Variants in TK2 observed in about 807,000 individuals in gnomAD.
TK2 encodes the protein thymidine kinase 2, mitochondrial.
A neutral mutation model predicts 41.9 loss-of-function variants in TK2; 35 were observed. The observed-to-expected ratio is 0.84, with a 90% CI of 0.64 to 1.11. The LOEUF (loss-of-function observed/expected upper bound fraction) is 1.11. TK2 is among the 50% of genes least tolerant of loss of function. The pLI is 0.00. For synonymous variants in TK2, 128 were observed against 129.1 expected (o/e 0.99, Z 0.06); for missense variants, 320 against 351.1 (o/e 0.91, Z 0.71).
intron 1 of TK2, 129 bp downstream of exon 1, chr16:66,549,809 C>A (rs909896192): frequency 7.8e-7 from 1 of 1,287,118 alleles, no homozygotes; most frequent in South Asian, 2.7e-5. Context: ...CCGTCCCAGC[C>A]GCAGCCGGGG....
intron 9 of TK2, among the ~76,000 whole-genome samples, chr16:66,512,619 G>A (rs1373062183): frequency 6.6e-6 from 1 of 152,000 alleles, no homozygotes; most frequent in Non-Finnish European, 1.5e-5. Context: ...CCATCTCTAC[G>A]AAAAATATAA....
chr16:66,511,904 C>T lies in TK2; in HGVS notation c.*64G>A. On this transcript the variant is annotated 3_prime_UTR_variant, in exon 10 of 10. Transcript: ENST00000544898. The stretch of plus-strand genomic sequence containing the variant: ...CCTGGGAGCAAGTTTTTCCAGATTG[C>T]TCCCAATAGCTAACTTGGCAGCAGC... 1.3e-6 allele frequency: 2 copies of T among 1,489,078 alleles called. No individual in the cohort carries two copies. Among genetic ancestry groups the T allele is most frequent in the Non-Finnish European group, 1.9e-6 (2 of 1,067,270 alleles). 92.2% of individuals were successfully genotyped at this position (1,489,078 alleles called of 1,614,324 possible). A position where few individuals can be genotyped will look rare whatever the true frequency, so the allele number is the denominator to read the frequency against.
intron 4 of TK2, among the ~76,000 whole-genome samples, chr16:66,536,380 G>A (rs1965281368): frequency 6.6e-6 from 1 of 152,102 alleles, no homozygotes; most frequent in Non-Finnish European, 1.5e-5. Context: ...CTCTCTTGCA[G>A]GACCCAGATT....
chr16:66,545,042 C>T (rs897510378), intron 2 of TK2, among the ~76,000 whole-genome samples: 4 of 144,598 alleles, frequency 2.8e-5, no homozygotes, highest in African/African-American at 7.8e-5. Context: ...TGTGGTGAGC[C>T]GAGATCACAC....
chr16:66,518,105 G>A lies in TK2; in HGVS notation c.450-228C>T, dbSNP rs960730071. The stretch of plus-strand genomic sequence containing the variant: ...CACAATGCTGCAAGGGCCATGGCAC[G>A]GAGTGATGGGAGAATTCACTTGGGA... On this transcript the variant is annotated intron_variant, in intron 6 of 9. Transcript: ENST00000544898. The A allele has an allele frequency of 3.5e-5, 20 of 565,268 alleles. 1 individual carries two copies. Among genetic ancestry groups the A allele is most frequent in the South Asian group, 2.3e-4 (12 of 52,860 alleles). The allele number at this position is 565,268 out of a possible 1,614,324, so 35.0% of individuals were successfully genotyped here. A position where few individuals can be genotyped will look rare whatever the true frequency, so the allele number is the denominator to read the frequency against.
intron 6 of TK2, among the ~76,000 whole-genome samples, chr16:66,520,719 G>A (rs1964756376): frequency 1.3e-5 from 2 of 152,238 alleles, no homozygotes; most frequent in South Asian, 4.1e-4. Context: ...CAGGCCAGAG[G>A]CACCAAATAA....
At chr16:66,513,550 C>T (rs1235308038) in intron 9 of TK2, among the ~76,000 whole-genome samples, 181 bp downstream of exon 9, 1 of 152,192 alleles carries the variant, frequency 6.6e-6, no homozygotes, top group African/African-American at 2.4e-5. Context: ...GGCCAACTCA[C>T]TCTGAGACTC....
chr16:66,527,307 T>A (rs964543341), intron 6 of TK2, among the ~76,000 whole-genome samples: 9 of 152,278 alleles, frequency 5.9e-5, no homozygotes, highest in Middle Eastern at 6.8e-3. Context: ...CTGGGTGGAT[T>A]TGGGGCAGAG....
chr16:66,515,824 C>G (rs1964594929), intron 8 of TK2, among the ~76,000 whole-genome samples: 1 of 152,178 alleles, frequency 6.6e-6, no homozygotes. Flanking sequence ...CGCCTGGGCC[C>G]TCGTGGCAGG....
intron 3 of TK2, 103 bp from the exon 4 acceptor site, chr16:66,537,120 A>G (rs989149604): frequency 6.6e-7 from 1 of 1,526,468 alleles, no homozygotes; most frequent in Non-Finnish European, 9.0e-7. Context: ...AAAAAGAGAG[A>G]AAAAGACTAT....
In TK2 at chr16:66,509,629, G is replaced by A; in HGVS notation, c.*2339C>T. 6.6e-6 allele frequency: 1 copy of A among 152,374 alleles called. No homozygotes were observed. The allele number at this position is 152,374 out of a possible 1,614,324, so 9.4% of individuals were successfully genotyped here. On this transcript the variant is annotated 3_prime_UTR_variant, in exon 10 of 10. Transcript: ENST00000544898. ...CATGGAACTCCAGTCTCACAGCAAG[G>A]ATGAGGTGAGCCCAACATATCTGGA...
chr16:66,549,514 T>G, intron 1 of TK2: 1 of 1,037,494 alleles, frequency 9.6e-7, no homozygotes, highest in Non-Finnish European at 1.2e-6. Context: ...TCTGTGTGGG[T>G]CCCCACTCCC....
intron 6 of TK2, among the ~76,000 whole-genome samples, chr16:66,521,121 T>C (rs1964767390): frequency 6.6e-6 from 1 of 152,232 alleles, no homozygotes; most frequent in South Asian, 2.1e-4. Context: ...ATCCCAGAGC[T>C]GGGAGGGTGC....
At chr16:66,537,173 C>T (rs1965311033) in intron 3 of TK2, among the ~76,000 whole-genome samples, 156 bp from the exon 4 acceptor site, 1 of 152,154 alleles carries the variant, frequency 6.6e-6, no homozygotes, top group Non-Finnish European at 1.5e-5. Flanking sequence ...GCTGACAACC[C>T]CCGTGAGGTC....
chr16:66,512,448 C>G (rs1964479964), intron 9 of TK2, among the ~76,000 whole-genome samples: 1 of 151,772 alleles, frequency 6.6e-6, no homozygotes. Flanking sequence ...TCCTTTTTTT[C>G]CATAATGAGG....
At chr16:66,526,372 C>T (rs1964930325) in intron 6 of TK2, among the ~76,000 whole-genome samples, 1 of 152,172 alleles carries the variant, frequency 6.6e-6, no homozygotes, top group East Asian at 1.9e-4. Flanking sequence ...CAGGATAGAA[C>T]CCAGGCCCAC....
chr16:66,518,154 G>C, intron 6 of TK2: 1 of 467,372 alleles, frequency 2.1e-6, no homozygotes, highest in Non-Finnish European at 4.0e-6. Flanking sequence ...CAGAGAAAGG[G>C]ACTTTAAAGC....
intron 6 of TK2, among the ~76,000 whole-genome samples, chr16:66,520,564 C>T (rs1964750689): frequency 6.6e-6 from 1 of 152,190 alleles, no homozygotes; most frequent in South Asian, 2.1e-4. Context: ...TACTTCCGCA[C>T]GCTTAGGGAA....
chr16:66,538,269 C>A (rs1318657043), intron 3 of TK2, among the ~76,000 whole-genome samples: 1 of 152,092 alleles, frequency 6.6e-6, no homozygotes, highest in African/African-American at 2.4e-5. Flanking sequence ...TTCTTCTGAC[C>A]AGCATTCCCA....
Sources: allele counts gnomAD v4.1 joint callset (sites outside exome capture counted in the v4.1 genomes callset), GRCh38; gene constraint gnomAD v4.1.1; transcripts MANE v1.5; gene names NCBI Gene and HGNC (gene_info 2026-07-23, HGNC 2026-07-21).